TEX264: variants seen among roughly 807,000 people sequenced by gnomAD.
The protein encoded by TEX264 is testis-expressed protein 264.
Under a neutral mutation model 23.4 loss-of-function variants are expected in TEX264, and 13 were observed. The ratio of observed to expected loss-of-function variants is 0.56; its 90% CI spans 0.36 to 0.88. The LOEUF (loss-of-function observed/expected upper bound fraction) is 0.88, where lower values mean the gene tolerates loss of function less well. Ranked by LOEUF, TEX264 falls within the 40% of genes least tolerant of loss-of-function variation. TEX264 has a pLI of 0.01. For synonymous variants in TEX264, 159 were observed against 170.0 expected (o/e 0.94, Z 0.50); for missense variants, 340 against 406.8 (o/e 0.84, Z 1.41).
intron 3 of TEX264, among the ~76,000 whole-genome samples, chr3:51,695,748 G>A (rs768640759): frequency 9.9e-5 from 15 of 152,188 alleles, no homozygotes; most frequent in Admixed American, 2.6e-4. Context: ...GGTAGCTGAC[G>A]CAGTGGCACT....
chr3:51,679,818 C>T (rs1456758089), intron 2 of TEX264, among the ~76,000 whole-genome samples: 1 of 152,136 alleles, frequency 6.6e-6, no homozygotes, highest in African/African-American at 2.4e-5. Flanking sequence ...CTTGTTGACT[C>T]CTTTCTTTCC....
intron 3 of TEX264, among the ~76,000 whole-genome samples, chr3:51,692,622 C>T (rs1702869822): frequency 6.6e-6 from 1 of 152,248 alleles, no homozygotes; most frequent in African/African-American, 2.4e-5. Flanking sequence ...AGCAGCCTTC[C>T]TGCTGCTGGA....
At chr3:51,676,021 C>T (rs1479990560) in intron 2 of TEX264, among the ~76,000 whole-genome samples, 2 of 152,128 alleles carry the variant, frequency 1.3e-5, no homozygotes, top group Non-Finnish European at 2.9e-5. Context: ...TGAGAGGCGA[C>T]ATGGGTTGGT....
chr3:51,682,231 C>G (rs1702452524), intron 2 of TEX264: 1 of 152,186 alleles, frequency 6.6e-6, no homozygotes. Flanking sequence ...TCCTGCCTAT[C>G]TGGTCATTCT....
chr3:51,702,777 C>G (rs1441923404), intron 4 of TEX264, among the ~76,000 whole-genome samples: 1 of 152,234 alleles, frequency 6.6e-6, no homozygotes, highest in Non-Finnish European at 1.5e-5. Flanking sequence ...GCATTCAGTG[C>G]CTCTGATCCA....
In TEX264 at chr3:51,691,724, G is replaced by T. The variant is rs891994056; in HGVS notation, c.480+7090G>T. On this transcript the variant is annotated intron_variant, in intron 3 of 4. Transcript: ENST00000341333. The surrounding 1 kb of genome is among the most constrained non-coding windows in gnomAD (Gnocchi z 4.4). The stretch of plus-strand genomic sequence containing the variant: ...AGACACTGATGGCGTCTGAGCAGAT[G>T]AGTGACAGTATCCAGGCTGGGCTTC... Among the ~76,000 whole-genome samples the T allele has an allele frequency of 3.3e-5, 5 of 152,190 alleles. No individual in the cohort carries two copies. Among genetic ancestry groups the T allele is most frequent in the African/African-American group, 1.2e-4 (5 of 41,436 alleles).
At position 51,684,750 on chromosome 3, in the gene TEX264, G is replaced by C. The variant is rs1056315534; in HGVS notation, c.480+116G>C. ...GGTTTTGGGAGAGCAGCACCCTGGG[G>C]CCCTCATGGAACAGGTACCTGTGGA... is the stretch of plus-strand genomic sequence containing the variant. On this transcript the variant is annotated intron_variant, in intron 3 of 4. Coordinates refer to ENST00000341333, the MANE Select transcript of TEX264 (RefSeq NM_015926.6). 4 of 973,988 alleles carry C rather than the reference G, an allele frequency of 4.1e-6. No individual in the cohort carries two copies. The Admixed American group carries it at 6.4e-5, about 16-fold the overall frequency. 60.3% of individuals were successfully genotyped at this position (973,988 alleles called of 1,614,324 possible). A position where few individuals can be genotyped will look rare whatever the true frequency, so the allele number is the denominator to read the frequency against.
intron 3 of TEX264, among the ~76,000 whole-genome samples, chr3:51,693,984 TTCTTTCCTTCCTTCC>T (rs1270473541): frequency 6.8e-6 from 1 of 146,106 alleles, no homozygotes; most frequent in East Asian, 2.1e-4. Flanking sequence ...TCTAATCCCT[TTCTTTCCTTCCTTCC>T]TTCCTTCCTT....
intron 3 of TEX264, among the ~76,000 whole-genome samples, chr3:51,697,315 T>A (rs1372254398): frequency 6.6e-6 from 1 of 152,168 alleles, no homozygotes; most frequent in Non-Finnish European, 1.5e-5. Flanking sequence ...CTCCCTCTTA[T>A]TATCTTGTTA....
intron 3 of TEX264, among the ~76,000 whole-genome samples, chr3:51,696,893 G>A (rs1260851834): frequency 6.6e-6 from 1 of 152,240 alleles, no homozygotes; most frequent in African/African-American, 2.4e-5. Context: ...GGTAACAGCA[G>A]GTAGGACCAG....
At chr3:51,702,377 G>A (rs1703341469) in intron 4 of TEX264, among the ~76,000 whole-genome samples, 1 of 152,208 alleles carries the variant, frequency 6.6e-6, no homozygotes. Context: ...AGGGCCCTGG[G>A]CCAGCAGCCT....
intron 4 of TEX264, among the ~76,000 whole-genome samples, chr3:51,700,271 T>C (rs1703242874): frequency 6.6e-6 from 1 of 152,138 alleles, no homozygotes; most frequent in African/African-American, 2.4e-5. Flanking sequence ...GCCTTATCCT[T>C]GGCCAACCTG....
Position 51,674,252 on chromosome 3 carries a change from C to T in TEX264, c.-34-19C>T, listed in dbSNP as rs2106896175. Reference sequence around the variant, plus strand: ...CAGAGTAGGCTACCAGCCTCCTCTCCCTTCTTTCTCCTTTGCAGCTGCCTT... The same window carrying T: ...CAGAGTAGGCTACCAGCCTCCTCTCTCTTCTTTCTCCTTTGCAGCTGCCTT... On this transcript the variant is annotated intron_variant, in intron 1 of 4. Coordinates refer to ENST00000341333, the MANE Select transcript of TEX264 (RefSeq NM_015926.6). The T allele has an allele frequency of 1.2e-6, 2 of 1,607,772 alleles. No individual in the cohort carries two copies. Among genetic ancestry groups the T allele is most frequent in the East Asian group, 4.5e-5 (2 of 44,748 alleles).
At chr3:51,702,896 A>G (rs902549703) in intron 4 of TEX264, among the ~76,000 whole-genome samples, 2 of 152,090 alleles carry the variant, frequency 1.3e-5, no homozygotes, top group Admixed American at 1.3e-4. Context: ...TGGGCCATCA[A>G]CCTGGCTCAG....
chr3:51,689,118 C>T (rs1702732817), intron 3 of TEX264, among the ~76,000 whole-genome samples: 1 of 151,292 alleles, frequency 6.6e-6, no homozygotes, highest in South Asian at 2.1e-4. Flanking sequence ...GACTCTGTCT[C>T]AAAAATAAAT....
Position 51,684,721 on chromosome 3 carries a change from A to G in TEX264, c.480+87A>G. 4 of 1,413,416 alleles carry G rather than the reference A, an allele frequency of 2.8e-6. No individual in the cohort carries two copies. In the South Asian group the frequency reaches 4.9e-5, roughly 17 times the overall value. 87.6% of individuals were successfully genotyped at this position (1,413,416 alleles called of 1,614,324 possible). ...GAGGACTGCCTAGAATGGGAGGAAG[A>G]AGTGGTTTTGGGAGAGCAGCACCCT... On this transcript the variant is annotated intron_variant, in intron 3 of 4. Transcript: ENST00000341333.
chr3:51,700,626 A>G (rs1451956227), intron 4 of TEX264, among the ~76,000 whole-genome samples: 1 of 152,044 alleles, frequency 6.6e-6, no homozygotes. Context: ...GCAGGAAGAC[A>G]GAGTGCCTTC....
chr3:51,687,997 A>G (rs1275319159), intron 3 of TEX264, among the ~76,000 whole-genome samples: 1 of 152,162 alleles, frequency 6.6e-6, no homozygotes, highest in Admixed American at 6.5e-5. Context: ...ACTGCTATAG[A>G]TGCTGGAACT....
intron 3 of TEX264, among the ~76,000 whole-genome samples, chr3:51,694,279 T>TG (rs1336459780): frequency 6.6e-6 from 1 of 152,060 alleles, no homozygotes; most frequent in Non-Finnish European, 1.5e-5. Context: ...TACATGCACC[T>TG]GTCACCACAC....
Sources: gnomAD v4.1 joint callset for allele counts (sites outside exome capture counted in the v4.1 genomes callset) on GRCh38, gnomAD v4.1.1 for gene constraint, Gnocchi (gnomAD v3.1) non-coding constraint, MANE v1.5 for transcripts, NCBI Gene and HGNC (gene_info 2026-07-23, HGNC 2026-07-21) for gene names.